The following SGCZ variants were observed in gnomAD, a reference collection of about 807,000 sequenced individuals.
SGCZ encodes the protein zeta-sarcoglycan.
Under a neutral mutation model 41.3 loss-of-function variants are expected in SGCZ, and 40 were observed. That is an observed-to-expected ratio of 0.97 (90% CI 0.75 to 1.26). The LOEUF (loss-of-function observed/expected upper bound fraction) is 1.26, where lower values mean the gene tolerates loss of function less well. Among genes scored for constraint, SGCZ ranks in the 50% most tolerant of loss-of-function variants. SGCZ has a pLI of 0.00. For missense variants in SGCZ, 552 were observed against 369.8 expected, an observed-to-expected ratio of 1.49 and a Z score of -4.04; for synonymous variants, 206 against 137.5, an observed-to-expected ratio of 1.50 and a Z score of -3.49.
intron 4 of SGCZ, among the ~76,000 whole-genome samples, chr8:14,208,913 C>T (rs940460357): frequency 1.3e-5 from 2 of 152,042 alleles, no homozygotes; most frequent in South Asian, 4.1e-4. Context: ...GAAAGGTAGC[C>T]CCCAAATTAT....
At chr8:14,131,075 A>G (rs1803026665) in intron 5 of SGCZ, among the ~76,000 whole-genome samples, 1 of 152,174 alleles carries the variant, frequency 6.6e-6, no homozygotes, top group East Asian at 1.9e-4. Context: ...GTCCCTCTGC[A>G]GGAGGGATCT....
chr8:14,834,562 G>T (rs981600295), intron 1 of SGCZ, among the ~76,000 whole-genome samples: 4 of 152,076 alleles, frequency 2.6e-5, no homozygotes, highest in Non-Finnish European at 4.4e-5. Flanking sequence ...GAGCATTCCC[G>T]ATCTGAAAAG....
intron 2 of SGCZ, among the ~76,000 whole-genome samples, chr8:14,357,009 A>G (rs929738303): frequency 6.6e-6 from 1 of 152,158 alleles, no homozygotes; most frequent in Non-Finnish European, 1.5e-5. Flanking sequence ...CAACAAAGTG[A>G]TAAATGAGAA....
In SGCZ at chr8:14,870,929, C is replaced by T. The variant is rs575972489; in HGVS notation, c.40-316003G>A. Among the ~76,000 whole-genome samples the T allele has an allele frequency of 9.7e-4, 148 of 152,032 alleles. 1 individual carries two copies. The highest frequency in any genetic ancestry group is 3.4e-3 in the Middle Eastern group (1 of 294). ...ATCATTAAAAAGTCAGGAAACAGGC[C>T]GGGTGCAGTGGCTCACACCTGTAAT... On this transcript the variant is annotated intron_variant, in intron 1 of 7. Coordinates refer to ENST00000382080, the MANE Select transcript of SGCZ (RefSeq NM_139167.4).
At chr8:14,503,577 G>A (rs1802217493) in intron 2 of SGCZ, among the ~76,000 whole-genome samples, 1 of 152,040 alleles carries the variant, frequency 6.6e-6, no homozygotes, top group Non-Finnish European at 1.5e-5. Context: ...AGACTACCCT[G>A]GCCAACATGC....
intron 2 of SGCZ, among the ~76,000 whole-genome samples, chr8:14,375,257 G>A (rs533393166): frequency 9.2e-5 from 14 of 152,230 alleles, no homozygotes; most frequent in African/African-American, 2.9e-4. Context: ...TGAATAATAC[G>A]GTAGCTGTTT....
At chr8:14,843,023 G>T (rs1391321895) in intron 1 of SGCZ, among the ~76,000 whole-genome samples, 1 of 152,160 alleles carries the variant, frequency 6.6e-6, no homozygotes, top group Non-Finnish European at 1.5e-5. Flanking sequence ...GACCAGCCTG[G>T]CCAAAGTGGT....
chr8:15,190,735 A>T (rs1800509289), intron 1 of SGCZ, among the ~76,000 whole-genome samples: 1 of 151,534 alleles, frequency 6.6e-6, no homozygotes, highest in Admixed American at 6.6e-5. Context: ...CAGCAATCAA[A>T]AACTTGTTTT....
At chr8:14,269,939 A>C (rs992568245) in intron 3 of SGCZ, among the ~76,000 whole-genome samples, 24 of 152,314 alleles carry the variant, frequency 1.6e-4, no homozygotes, top group African/African-American at 5.8e-4. Flanking sequence ...ACAAAGGGAG[A>C]AAAATTTTAA....
At chr8:14,278,376 T>C (rs754804250) in intron 3 of SGCZ, among the ~76,000 whole-genome samples, 3 of 152,140 alleles carry the variant, frequency 2.0e-5, no homozygotes, top group Non-Finnish European at 4.4e-5. Context: ...AAACCGTGTA[T>C]AGTCACAACA....
chr8:14,531,616 G>A (rs1803135275), intron 2 of SGCZ, among the ~76,000 whole-genome samples: 1 of 152,036 alleles, frequency 6.6e-6, no homozygotes, highest in African/African-American at 2.4e-5. Flanking sequence ...TATGAGTTAT[G>A]AGAGGATACA....
chr8:14,424,841 A>C lies in SGCZ; in HGVS notation c.235-100637T>G, dbSNP rs577073167. On this transcript the variant is annotated intron_variant, in intron 2 of 7. Transcript: ENST00000382080. ...CTACATTATGCTGATGTTGACAAGGACTGATATCCTGGCTGATTTGAACGG... is the reference window on the plus strand; with the variant it reads ...CTACATTATGCTGATGTTGACAAGGCCTGATATCCTGGCTGATTTGAACGG... Among the ~76,000 whole-genome samples, 6 of 152,294 alleles carry C rather than the reference A, an allele frequency of 3.9e-5. No homozygotes were observed. The South Asian group carries it at 1.2e-3, about 32-fold the overall frequency.
intron 5 of SGCZ, among the ~76,000 whole-genome samples, chr8:14,115,574 T>TA (rs1802497972): frequency 6.6e-6 from 1 of 152,044 alleles, no homozygotes; most frequent in Non-Finnish European, 1.5e-5. Context: ...TATTTTGTCT[T>TA]AAGATTTGGA....
At chr8:14,762,263 C>A (rs912398304) in intron 1 of SGCZ, among the ~76,000 whole-genome samples, 5 of 152,114 alleles carry the variant, frequency 3.3e-5, no homozygotes, top group African/African-American at 1.2e-4. Context: ...TCTCCATGAA[C>A]CTCAAATCTC....
intron 4 of SGCZ, among the ~76,000 whole-genome samples, chr8:14,214,937 C>T (rs773010331): frequency 6.6e-6 from 1 of 152,126 alleles, no homozygotes; most frequent in African/African-American, 2.4e-5. Context: ...TTCAATACCA[C>T]ACTTGCAGCA....
At chr8:14,943,837 T>G (rs1800356737) in intron 1 of SGCZ, among the ~76,000 whole-genome samples, 2 of 152,176 alleles carry the variant, frequency 1.3e-5, no homozygotes, top group Non-Finnish European at 2.9e-5. Flanking sequence ...AGTATTTGGT[T>G]TTCTGTTCCT....
chr8:14,897,395 G>T (rs560218466), intron 1 of SGCZ, among the ~76,000 whole-genome samples: 5 of 152,254 alleles, frequency 3.3e-5, no homozygotes, highest in Middle Eastern at 3.4e-3. Context: ...CACTAGGATG[G>T]CTTGTAACGT....
intron 1 of SGCZ, among the ~76,000 whole-genome samples, chr8:15,080,860 G>A (rs1805721064): frequency 6.6e-6 from 1 of 151,998 alleles, no homozygotes. Flanking sequence ...CCAAAGTGCT[G>A]GGATTACAGG....
At chr8:14,473,954 T>C (rs968510445) in intron 2 of SGCZ, among the ~76,000 whole-genome samples, 1 of 142,354 alleles carries the variant, frequency 7.0e-6, no homozygotes, top group African/African-American at 2.6e-5. Context: ...AAAAAAAAAG[T>C]TTTTATGAAA....
Sources: gnomAD v4.1 joint callset for allele counts (sites outside exome capture counted in the v4.1 genomes callset) on GRCh38, gnomAD v4.1.1 for gene constraint, MANE v1.5 for transcripts, NCBI Gene and HGNC (gene_info 2026-07-23, HGNC 2026-07-21) for gene names.